TDRD9: variants seen among roughly 807,000 people sequenced by gnomAD.
The protein encoded by TDRD9 is ATP-dependent RNA helicase TDRD9.
Under a neutral mutation model 172.6 loss-of-function variants are expected in TDRD9, and 124 were observed. That is an observed-to-expected ratio of 0.72 (90% CI 0.62 to 0.83). The LOEUF is 0.83. TDRD9 is among the 40% of genes least tolerant of loss of function. TDRD9 has a pLI of 0.00. For synonymous variants in TDRD9, 619 were observed against 617.1 expected (o/e 1.00, Z -0.05); for missense variants, 1,479 against 1,714.1 (o/e 0.86, Z 2.42).
At chr14:103,933,065 C>G (rs1354236977) in intron 1 of TDRD9, among the ~76,000 whole-genome samples, 1 of 152,152 alleles carries the variant, frequency 6.6e-6, no homozygotes, top group Admixed American at 6.5e-5. Context: ...CTGTGGGGAA[C>G]AATTTATAAA....
intron 1 of TDRD9, among the ~76,000 whole-genome samples, chr14:103,937,893 C>T (rs1267880904): frequency 3.3e-5 from 5 of 149,914 alleles, no homozygotes; most frequent in African/African-American, 1.2e-4. Context: ...ATGGAGTATA[C>T]TGAAGGATGA....
intron 8 of TDRD9, among the ~76,000 whole-genome samples, chr14:103,987,697 C>T (rs73354469): frequency 0.016 from 2,420 of 152,218 alleles, 74 homozygotes; most frequent in African/African-American, 0.054. Flanking sequence ...GAATATTACA[C>T]GTGCACTTGA....
At chr14:103,992,466 C>T (rs1038999653) in intron 9 of TDRD9, among the ~76,000 whole-genome samples, 17 of 152,262 alleles carry the variant, frequency 1.1e-4, no homozygotes, top group Admixed American at 9.8e-4. Flanking sequence ...TTGCATGTGC[C>T]TTGGTGAATA....
At chr14:104,032,527 C>T (rs1356217236) in intron 30 of TDRD9, among the ~76,000 whole-genome samples, 1 of 152,216 alleles carries the variant, frequency 6.6e-6, no homozygotes, top group East Asian at 1.9e-4. Context: ...TTTCTAACTT[C>T]TCATTTCTCT....
chr14:104,034,909 C>T (rs1325057182), intron 31 of TDRD9, 51 bp from the exon 32 acceptor site: 2 of 1,408,898 alleles, frequency 1.4e-6, no homozygotes, highest in African/African-American at 2.8e-5. Context: ...GGAACGCTGC[C>T]CTGAGCAGCG....
At chr14:103,990,150 G>A (rs908928058) in intron 8 of TDRD9, among the ~76,000 whole-genome samples, 6 of 152,162 alleles carry the variant, frequency 3.9e-5, no homozygotes, top group African/African-American at 1.4e-4. Flanking sequence ...CTCTGGGTGG[G>A]GCTGTGATGC....
Position 104,022,190 on chromosome 14 carries a change from G to T in TDRD9, c.2466G>T (p.Glu822Asp). 1 of 1,566,530 alleles carries T rather than the reference G, an allele frequency of 6.4e-7. No individual in the cohort carries two copies. The highest frequency in any genetic ancestry group is 8.7e-7 in the Non-Finnish European group (1 of 1,155,460). The change falls in exon 24 of 36, where the codon GAG becomes GAT. Residue 822 changes from glutamate to aspartate, a missense_variant. By Grantham distance (45) the Glu-to-Asp change is conservative. Transcript: ENST00000409874. ...AFVEFSRNPT[E>D]RFKTLPAVYM... is the part of the protein sequence containing the mutation. ...TGGAATTCTCACGAAATCCAACAGA[G>T]AGATTTAAAACCCTTCCTGCAGTAT...
At chr14:104,003,125 G>T (rs1428877964) in intron 13 of TDRD9, among the ~76,000 whole-genome samples, 2 of 151,992 alleles carry the variant, frequency 1.3e-5, no homozygotes, top group Non-Finnish European at 2.9e-5. Context: ...TGTTTATTTG[G>T]TCTCAGATCT....
chr14:104,050,374 G>T (rs1199039529), intron 35 of TDRD9, among the ~76,000 whole-genome samples: 1 of 152,112 alleles, frequency 6.6e-6, no homozygotes, highest in Non-Finnish European at 1.5e-5. Flanking sequence ...GAATTTTCAG[G>T]GGCCACAGTT....
In TDRD9 at chr14:103,928,555, A is replaced by C. The variant is rs868220412; in HGVS notation, c.46A>C (p.Ile16Leu). 1.2e-5 allele frequency: 17 copies of C among 1,389,970 alleles called. 1 individual carries two copies. The Middle Eastern group carries it at 2.9e-3, about 234-fold the overall frequency. The allele number at this position is 1,389,970 out of a possible 1,614,324, so 86.1% of individuals were successfully genotyped here. Residue 16 changes from isoleucine to leucine, a missense_variant, in exon 1 of 36, where the codon ATC (isoleucine) becomes CTC (leucine). This residue lies in a region of TDRD9 where 63 missense variants were observed against 48.4 expected (regional missense o/e 1.30). Transcript: ENST00000409874. ...CGAGCAGATCAACGACTGGTTCACC[A>C]TCGGCAAGACGGTGACCAATGTGGA... ...TIEQINDWFT[I>L]GKTVTNVELL... is the part of the protein sequence containing the mutation.
At chr14:103,987,794 A>G (rs2033726799) in intron 8 of TDRD9, among the ~76,000 whole-genome samples, 1 of 152,162 alleles carries the variant, frequency 6.6e-6, no homozygotes, top group Non-Finnish European at 1.5e-5. Context: ...CAGGTCTTCT[A>G]CTTCTTGATC....
At chr14:103,968,794 T>TAA (rs1475595274) in intron 5 of TDRD9, among the ~76,000 whole-genome samples, 6 of 2,160 alleles carry the variant, frequency 2.8e-3, no homozygotes, top group Non-Finnish European at 5.3e-3. Flanking sequence ...AGACTCTGTC[T>TAA]CAAAAAAAAA....
intron 34 of TDRD9, among the ~76,000 whole-genome samples, chr14:104,046,105 C>T (rs917352035): frequency 1.1e-4 from 16 of 152,166 alleles, no homozygotes; most frequent in Admixed American, 3.3e-4. Flanking sequence ...TACAGGCACA[C>T]GCCACCAAGC....
intron 7 of TDRD9, among the ~76,000 whole-genome samples, chr14:103,982,537 G>A (rs1021112719): frequency 3.9e-5 from 6 of 152,164 alleles, no homozygotes; most frequent in African/African-American, 1.4e-4. Flanking sequence ...TGGTTTTTCT[G>A]TTACCAGATC....
At chr14:103,991,558 G>A (rs1665581226) in intron 9 of TDRD9, among the ~76,000 whole-genome samples, 1 of 150,444 alleles carries the variant, frequency 6.6e-6, no homozygotes, top group Admixed American at 6.6e-5. Flanking sequence ...GACTACAGGT[G>A]CACGCCACCA....
At chr14:103,977,626 C>A (rs1044670899) in intron 7 of TDRD9, among the ~76,000 whole-genome samples, 1 of 111,034 alleles carries the variant, frequency 9.0e-6, no homozygotes, top group African/African-American at 3.2e-5. Context: ...CAGTTGATTT[C>A]TTTCTTTTTT....
chr14:103,954,754 G>C lies in TDRD9; in HGVS notation c.216-910G>C, dbSNP rs183630503. Among the ~76,000 whole-genome samples the C allele has an allele frequency of 8.0e-5, 12 of 150,452 alleles. No individual in the cohort carries two copies. In the East Asian group the frequency reaches 2.2e-3, roughly 28 times the overall value. On this transcript the variant is annotated intron_variant, in intron 1 of 35. Coordinates refer to ENST00000409874, the MANE Select transcript of TDRD9 (RefSeq NM_153046.3). ...AGTGATTCTGCTACCTTAGCCTCTCGAGTAGCTGGGATTACAGGGACCTGC... is the reference window on the plus strand; with the variant it reads ...AGTGATTCTGCTACCTTAGCCTCTCCAGTAGCTGGGATTACAGGGACCTGC...
chr14:103,931,854 TGA>T (rs1441364176), intron 1 of TDRD9, among the ~76,000 whole-genome samples: 2 of 152,078 alleles, frequency 1.3e-5, no homozygotes, highest in African/African-American at 4.8e-5. Flanking sequence ...AAATTTGAAA[TGA>T]GAGATTTGAA....
At chr14:103,972,369 T>TAGC (rs759770018) in intron 6 of TDRD9, among the ~76,000 whole-genome samples, 1 of 152,074 alleles carries the variant, frequency 6.6e-6, no homozygotes, top group Non-Finnish European at 1.5e-5. Context: ...GTGTTCGAAA[T>TAGC]AGCACCAAAG....
Sources: allele counts gnomAD v4.1 joint callset (sites outside exome capture counted in the v4.1 genomes callset), GRCh38; gene constraint gnomAD v4.1.1; regional missense constraint gnomAD v4.1.1; transcripts MANE v1.5; gene names NCBI Gene and HGNC (gene_info 2026-07-23, HGNC 2026-07-21).